The following DHRS1 variants were observed in gnomAD, a reference collection of about 807,000 sequenced individuals.
DHRS1 encodes the protein dehydrogenase/reductase SDR family member 1.
A neutral mutation model predicts 35.2 loss-of-function variants in DHRS1; 34 were observed. The observed-to-expected ratio is 0.97, with a 90% CI of 0.74 to 1.29. The LOEUF is 1.29. Among genes scored for constraint, DHRS1 ranks in the 50% most tolerant of loss-of-function variants. The pLI, the probability that DHRS1 is intolerant of heterozygous loss-of-function variation, is 0.00. For missense variants in DHRS1, 354 were observed against 403.6 expected, an observed-to-expected ratio of 0.88 and a Z score of 1.05; for synonymous variants, 133 against 160.0, an observed-to-expected ratio of 0.83 and a Z score of 1.27.
At chr14:24,292,960 G>A in intron 4 of DHRS1, 176 bp from the exon 5 acceptor site, 3 of 679,432 alleles carry the variant, frequency 4.4e-6, no homozygotes, top group South Asian at 2.6e-5. Flanking sequence ...GAGGAAAACT[G>A]GTCAAAATAA....
At chr14:24,291,029 C>T in intron 8 of DHRS1, 34 bp from the exon 9 acceptor site, 1 of 1,613,696 alleles carries the variant, frequency 6.2e-7, no homozygotes, top group South Asian at 1.1e-5. Context: ...ATTAGATTCT[C>T]ATTTCCCACT....
intron 7 of DHRS1, 114 bp from the exon 8 acceptor site, chr14:24,291,333 G>A: frequency 8.2e-7 from 1 of 1,219,478 alleles, no homozygotes; most frequent in Admixed American, 1.8e-5. Flanking sequence ...GATCCCTGGA[G>A]AGCTCTTTCT....
intron 2 of DHRS1, among the ~76,000 whole-genome samples, chr14:24,297,441 G>A (rs1566405706): frequency 6.6e-6 from 1 of 152,210 alleles, no homozygotes; most frequent in Admixed American, 6.5e-5. Context: ...AGAGGAAGAA[G>A]AGTCCTTTAT....
At chr14:24,291,679 G>T (rs1305994371) in intron 6 of DHRS1, 54 bp from the exon 7 acceptor site, 2 of 1,539,444 alleles carry the variant, frequency 1.3e-6, no homozygotes, top group African/African-American at 1.4e-5. Context: ...CACTGCCCAG[G>T]TCTCCTCCCC....
At position 24,299,664 on chromosome 14, in the gene DHRS1, G is replaced by A. The variant is rs543651044; in HGVS notation, c.-108C>T. 26 of 366,162 alleles carry A rather than the reference G, an allele frequency of 7.1e-5. No homozygotes were observed. Among genetic ancestry groups the A allele is most frequent in the East Asian group, 6.7e-4 (16 of 23,838 alleles). The allele number at this position is 366,162 out of a possible 1,614,324, so 22.7% of individuals were successfully genotyped here. A position where few individuals can be genotyped will look rare whatever the true frequency, so the allele number is the denominator to read the frequency against. On this transcript the variant is annotated 5_prime_UTR_variant, in exon 1 of 9. In the 5' UTR this introduces an upstream ATG that the reference lacks. Transcript: ENST00000288111. Reference sequence around the variant, plus strand: ...TTCTCGCCCAGATTGAGCCGGCGACGTGGAGGCAGTGTTCAAGGATTGATT... The same window carrying A: ...TTCTCGCCCAGATTGAGCCGGCGACATGGAGGCAGTGTTCAAGGATTGATT...
intron 3 of DHRS1, 61 bp downstream of exon 3, chr14:24,296,677 G>T: frequency 2.0e-5 from 32 of 1,613,632 alleles, no homozygotes; most frequent in Non-Finnish European, 2.6e-5. Context: ...TGGGGATGAA[G>T]ATGCAGGGGT....
At chr14:24,296,178 C>A (rs1241136451) in intron 4 of DHRS1, among the ~76,000 whole-genome samples, 1 of 152,328 alleles carries the variant, frequency 6.6e-6, no homozygotes, top group Non-Finnish European at 1.5e-5. Flanking sequence ...CTCCCTCTAA[C>A]CATTTTGAAA....
Position 24,290,751 on chromosome 14 carries a change from A to C in DHRS1, c.*108T>G. ...GACACACAGCAGAGGGCTTCTCTTCATATCAAGGGTATGGGTAAACAAGAA... is the reference window on the plus strand; with the variant it reads ...GACACACAGCAGAGGGCTTCTCTTCCTATCAAGGGTATGGGTAAACAAGAA... On this transcript the variant is annotated 3_prime_UTR_variant, in exon 9 of 9. Coordinates refer to ENST00000288111, the MANE Select transcript of DHRS1 (RefSeq NM_001136050.3). 7.0e-7 allele frequency: 1 copy of C among 1,427,746 alleles called. No homozygotes were observed. The highest frequency in any genetic ancestry group is 9.7e-7 in the Non-Finnish European group (1 of 1,030,384). The allele number at this position is 1,427,746 out of a possible 1,614,324, so 88.4% of individuals were successfully genotyped here.
rs59742678 is a variant in DHRS1, at chr14:24,291,071, C to A, written c.805+68G>T. 1,493 of 1,612,856 alleles carry A rather than the reference C, an allele frequency of 9.3e-4. 9 individuals are homozygous for A. In the East Asian group the frequency reaches 0.021, roughly 22 times the overall value. On this transcript the variant is annotated intron_variant, in intron 8 of 8. Coordinates refer to ENST00000288111, the MANE Select transcript of DHRS1 (RefSeq NM_001136050.3). Reference sequence around the variant, plus strand: ...ATACCCTCACCTTGGCTGGAGAGACCGAGGGAGGAGTGGGCAGGGAACAGA... The same window carrying A: ...ATACCCTCACCTTGGCTGGAGAGACAGAGGGAGGAGTGGGCAGGGAACAGA...
chr14:24,290,889 CCACTTGGG>C lies in DHRS1; in HGVS notation c.904_911del (p.Pro302AspfsTer7). On this transcript the variant is annotated frameshift_variant, in exon 9 of 9. Coordinates refer to ENST00000288111, the MANE Select transcript of DHRS1 (RefSeq NM_001136050.3). LOFTEE classifies it high-confidence loss of function. ...ACTTGCTAGTGTAGAGGGCAATAAT[CCACTTGGG>C]CACACGGAGGAAGGAGGGCAGGTAG... 6.2e-7 allele frequency: 1 copy of C among 1,613,866 alleles called. No individual in the cohort carries two copies. The highest frequency in any genetic ancestry group is 1.3e-5 in the African/African-American group (1 of 74,900).
Position 24,291,555 on chromosome 14 carries a change from C to T in DHRS1, c.724+1G>A, listed in dbSNP as rs1472159279. 1.9e-6 allele frequency: 3 copies of T among 1,614,192 alleles called. No homozygotes were observed. In the South Asian group the frequency reaches 3.3e-5, roughly 18 times the overall value. On this transcript the variant is annotated splice_donor_variant, in intron 7 of 8. Coordinates refer to ENST00000288111, the MANE Select transcript of DHRS1 (RefSeq NM_001136050.3). LOFTEE classifies it high-confidence loss of function. ...TATTACCAGCTGCCCCCAAACTTCA[C>T]CTGTTGCCAAAGCCACCACACATTT...
At chr14:24,298,150 A>C (rs2041292780) in intron 2 of DHRS1, among the ~76,000 whole-genome samples, 1 of 152,036 alleles carries the variant, frequency 6.6e-6, no homozygotes, top group South Asian at 2.1e-4. Flanking sequence ...GGCTCAAACG[A>C]TCCTCCTGCC....
chr14:24,299,133 G>T lies in DHRS1; in HGVS notation c.-24-3C>A. 1 of 1,602,486 alleles carries T rather than the reference G, an allele frequency of 6.2e-7. No homozygotes were observed. The highest frequency in any genetic ancestry group is 8.5e-7 in the Non-Finnish European group (1 of 1,171,386). ...ACTCACAGGCAAAGGAGGCAGGTCT[G>T]TGGAAGCAAAGACTTACTCTGAGGG... On this transcript the variant is annotated splice_region_variant and splice_polypyrimidine_tract_variant and intron_variant, in intron 1 of 8. Coordinates refer to ENST00000288111, the MANE Select transcript of DHRS1 (RefSeq NM_001136050.3).
At chr14:24,299,298 C>A in intron 1 of DHRS1, 168 bp from the exon 2 acceptor site, 1 of 598,722 alleles carries the variant, frequency 1.7e-6, no homozygotes, top group Non-Finnish European at 2.9e-6. Context: ...GGCCTGAGGA[C>A]AAGGCTGACT....
At chr14:24,298,142 CTCAAACGA>C (rs2041292242) in intron 2 of DHRS1, among the ~76,000 whole-genome samples, 1 of 152,120 alleles carries the variant, frequency 6.6e-6, no homozygotes, top group South Asian at 2.1e-4. Context: ...AACTCCTGGG[CTCAAACGA>C]TCCTCCTGCC....
intron 4 of DHRS1, 52 bp from the exon 5 acceptor site, chr14:24,292,836 G>A (rs2041186853): frequency 1.3e-6 from 2 of 1,567,328 alleles, no homozygotes; most frequent in Non-Finnish European, 8.6e-7. Context: ...TGCTGGCCTG[G>A]GTGCCACAGC....
At position 24,296,528 on chromosome 14, in the gene DHRS1, T is replaced by C. The variant is rs1233786458; in HGVS notation, c.355A>G (p.Ile119Val). 6 of 1,614,084 alleles carry C rather than the reference T, an allele frequency of 3.7e-6. No individual in the cohort carries two copies. The African/African-American group carries it at 5.3e-5, about 14-fold the overall frequency. Residue 119 changes from isoleucine to valine, a missense_variant, in exon 4 of 9, where the codon ATC becomes GTC. Ile to Val is a conservative substitution (Grantham distance 29, BLOSUM62 3). Coordinates refer to ENST00000288111, the MANE Select transcript of DHRS1 (RefSeq NM_001136050.3). The stretch of plus-strand genomic sequence containing the variant: ...ACCCACCTGAGTCCGACGTTGTTGA[T>C]ATCATCCCACATGGAGGCAGGGGTT... ...WETPASMWDDINNVGLRGHYF... is the reference protein window; with the variant it reads ...WETPASMWDDVNNVGLRGHYF...
At chr14:24,291,430 C>T (rs2041155991) in intron 7 of DHRS1, 126 bp downstream of exon 7, 13 of 1,190,240 alleles carry the variant, frequency 1.1e-5, no homozygotes, top group Non-Finnish European at 1.5e-5. Context: ...CCCCTTGGGC[C>T]TCAAAAAGCA....
intron 4 of DHRS1, chr14:24,293,583 A>AATAAATAAATAAATAAATAG: frequency 6.6e-6 from 1 of 152,018 alleles, no homozygotes; most frequent in Non-Finnish European, 1.5e-5. Context: ...AAAATAAATA[A>AATAAATAAATAAATAAATAG]ATAAATAAAA....
Sources: gnomAD v4.1 joint callset for allele counts (sites outside exome capture counted in the v4.1 genomes callset) on GRCh38, gnomAD v4.1.1 for gene constraint, MANE v1.5 for transcripts, NCBI Gene and HGNC (gene_info 2026-07-23, HGNC 2026-07-21) for gene names.